The following POLR2F variants were observed in gnomAD, a reference collection of about 807,000 sequenced individuals.
POLR2F encodes RNA polymerase II, I and III subunit F.
POLR2F carries 12 observed loss-of-function variants against 22.7 expected under a neutral mutation model. The observed-to-expected ratio is 0.53, with a 90% CI of 0.34 to 0.86. POLR2F has a LOEUF of 0.86. POLR2F is among the 40% of genes least tolerant of loss of function. POLR2F has a pLI of 0.02. For synonymous variants in POLR2F, 57 were observed against 66.0 expected (o/e 0.86, Z 0.66); for missense variants, 126 against 171.5 (o/e 0.73, Z 1.48).
rs2084731517 is a variant in POLR2F at position 37,997,950 on chromosome 22, A to G, written c.120+11638A>G. ...TGGCGCGAGAGCCAGGGTTGCCCAG[A>G]TTGATGGAAGAGCAGGTGTTTGTGT... On this transcript the variant is annotated intron_variant, in intron 1 of 2. Transcript: ENST00000333418. This position sits in a 1 kb window ranked among gnomAD's most constrained non-coding sequence, Gnocchi z 4.4. 1.3e-5 allele frequency among the ~76,000 whole-genome samples: 2 copies of G among 152,174 alleles called. No individual in the cohort carries two copies. Among genetic ancestry groups the G allele is most frequent in the African/African-American group, 4.8e-5 (2 of 41,450 alleles).
chr22:37,986,065 C>T (rs1032439250), upstream of POLR2F: 3 of 1,346,084 alleles, frequency 2.2e-6, no homozygotes, highest in African/African-American at 3.0e-5. This position sits in a 1 kb window ranked among gnomAD's most constrained non-coding sequence, Gnocchi z 4.7. Context: ...TTGTTCGGGG[C>T]CTTGAAACAG....
intron 4 of POLR2F, among the ~76,000 whole-genome samples, chr22:37,977,665 C>T (rs1056141458): frequency 3.3e-5 from 5 of 152,086 alleles, no homozygotes; most frequent in Non-Finnish European, 7.4e-5. Context: ...TAGGATCAGC[C>T]CTGGCCAGAG....
intron 1 of POLR2F, among the ~76,000 whole-genome samples, chr22:37,995,428 A>C (rs549692563): frequency 2.5e-4 from 38 of 152,206 alleles, no homozygotes; most frequent in Non-Finnish European, 4.6e-4. Flanking sequence ...CTGGGGGATC[A>C]CCTAAAGCTC....
rs1931947796 is a variant in POLR2F, at chr22:37,968,543, A to G, written c.*828A>G. On this transcript the variant is annotated 3_prime_UTR_variant, in exon 5 of 5. Transcript: ENST00000442738. ...AGGTGTTACATTAAGTCAGAGCTGG[A>G]GTTCCCCCTTCCTCTGCCTGAGGTT... 14 of 985,594 alleles carry G rather than the reference A, an allele frequency of 1.4e-5. No individual in the cohort carries two copies. The highest frequency in any genetic ancestry group is 1.7e-5 in the Non-Finnish European group (14 of 830,128). 61.1% of individuals were successfully genotyped at this position (985,594 alleles called of 1,614,324 possible). A position where few individuals can be genotyped will look rare whatever the true frequency, so the allele number is the denominator to read the frequency against.
At chr22:38,027,204 A>G (rs181581428), downstream of POLR2F, among the ~76,000 whole-genome samples, 188 of 152,222 alleles carry the variant, frequency 1.2e-3, 3 homozygotes, top group African/African-American at 4.4e-3. Flanking sequence ...TCATTCATCA[A>G]CTAGTCTCTA....
chr22:38,021,519 C>T (rs1228898206), intron 1 of POLR2F, among the ~76,000 whole-genome samples: 2 of 152,168 alleles, frequency 1.3e-5, no homozygotes, highest in Non-Finnish European at 2.9e-5. Context: ...TACAGTGACG[C>T]GATCATGGCT....
Position 37,967,891 on chromosome 22 carries a change from C to A in POLR2F, c.*176C>A, listed in dbSNP as rs1601873756. On this transcript the variant is annotated 3_prime_UTR_variant, in exon 5 of 5. Coordinates refer to ENST00000442738, the MANE Select transcript of POLR2F (RefSeq NM_021974.5). ...GTGGAGCATGCACCTATTCCAGTGG[C>A]CCTGTGACTGTCAGCTCCTTAAGAA... The A allele has an allele frequency of 7.4e-7, 1 of 1,344,562 alleles. No individual in the cohort carries two copies. Among genetic ancestry groups the A allele is most frequent in the Non-Finnish European group, 9.5e-7 (1 of 1,050,658 alleles). The allele number at this position is 1,344,562 out of a possible 1,614,324, so 83.3% of individuals were successfully genotyped here. A position where few individuals can be genotyped will look rare whatever the true frequency, so the allele number is the denominator to read the frequency against.
chr22:38,025,679 G>T lies in POLR2F; in HGVS notation c.121-190G>T, dbSNP rs771494523. 4.5e-6 allele frequency: 7 copies of T among 1,547,472 alleles called. No homozygotes were observed. The African/African-American group carries it at 6.9e-5, about 15-fold the overall frequency. ...CTCCTCCCGCTGACTTCTCCCGACAGTCCTGCTGGGTGGATATCATCACCC... is the reference window on the plus strand; with the variant it reads ...CTCCTCCCGCTGACTTCTCCCGACATTCCTGCTGGGTGGATATCATCACCC... On this transcript the variant is annotated intron_variant, in intron 1 of 2. Coordinates refer to the POLR2F transcript ENST00000333418.
chr22:37,975,206 T>C (rs765679029), intron 4 of POLR2F, among the ~76,000 whole-genome samples: 4 of 152,198 alleles, frequency 2.6e-5, no homozygotes, highest in Admixed American at 2.0e-4. Flanking sequence ...GGGATACTAA[T>C]GTAAATAAAA....
At chr22:37,974,301 C>T (rs1349358760), downstream of POLR2F, 2 of 864,174 alleles carry the variant, frequency 2.3e-6, no homozygotes, top group African/African-American at 3.4e-5. The surrounding 1 kb of genome is among the most constrained non-coding windows in gnomAD (Gnocchi z 5.4). Flanking sequence ...CAGCGGGTGC[C>T]TCTGGGAAAA....
intron 3 of POLR2F, among the ~76,000 whole-genome samples, chr22:37,963,788 T>C (rs1172256055): frequency 1.3e-5 from 2 of 152,146 alleles, no homozygotes; most frequent in African/African-American, 4.8e-5. Flanking sequence ...TAGCACTTGA[T>C]AGGATGCTGA....
chr22:38,003,914 T>C (rs1266902173), intron 1 of POLR2F, among the ~76,000 whole-genome samples: 1 of 152,026 alleles, frequency 6.6e-6, no homozygotes. Flanking sequence ...TCTCAAAGCA[T>C]TGTGGCAGCT....
rs1171589783 is a variant in POLR2F at position 38,017,893 on chromosome 22, C to G, written c.121-7976C>G. Among the ~76,000 whole-genome samples the G allele has an allele frequency of 6.6e-6, 1 of 152,232 alleles. No homozygotes were observed. The highest frequency in any genetic ancestry group is 1.5e-5 in the Non-Finnish European group (1 of 68,044). ...ACCATATGGAACAAGTTAAGCCTCC[C>G]TGAGAATTGGTTTCCTCACTTGTAA... On this transcript the variant is annotated intron_variant, in intron 1 of 2. Coordinates refer to the POLR2F transcript ENST00000333418. The surrounding 1 kb of genome is among the most constrained non-coding windows in gnomAD (Gnocchi z 4.1).
chr22:37,957,087 T>TAA (rs2145730741), intron 2 of POLR2F, among the ~76,000 whole-genome samples: 1 of 152,352 alleles, frequency 6.6e-6, no homozygotes, highest in East Asian at 1.9e-4. Flanking sequence ...ACTGACAAGT[T>TAA]AAACGGTGCC....
At chr22:38,007,987 C>T (rs540263091) in intron 1 of POLR2F, among the ~76,000 whole-genome samples, 1 of 152,306 alleles carries the variant, frequency 6.6e-6, no homozygotes, top group East Asian at 1.9e-4. Flanking sequence ...CGCCTATAAT[C>T]CTAGCACTTT....
intron 3 of POLR2F, among the ~76,000 whole-genome samples, chr22:37,959,717 TAA>T (rs139867): frequency 1.6e-3 from 227 of 141,288 alleles, no homozygotes; most frequent in Admixed American, 7.4e-3. Flanking sequence ...AGAAAAACGA[TAA>T]AAAAAAAAAA....
At chr22:37,974,115 G>A (rs1307950608), downstream of POLR2F, 1 of 1,613,192 alleles carries the variant, frequency 6.2e-7, no homozygotes, top group Non-Finnish European at 8.5e-7. The surrounding 1 kb of genome is among the most constrained non-coding windows in gnomAD (Gnocchi z 5.4). Context: ...CCCATGGAGC[G>A]CCCGTCCCGC....
At chr22:38,039,049 G>A (rs1270698543) in intron 5 of POLR2F, among the ~76,000 whole-genome samples, 1 of 152,194 alleles carries the variant, frequency 6.6e-6, no homozygotes, top group East Asian at 1.9e-4. Context: ...GTCCCTGCAT[G>A]GGACAAGAGG....
In POLR2F at chr22:37,968,541, G is replaced by T. The variant is rs1338365675; in HGVS notation, c.*826G>T. On this transcript the variant is annotated 3_prime_UTR_variant, in exon 5 of 5. Transcript: ENST00000442738. Reference sequence around the variant, plus strand: ...CCAGGTGTTACATTAAGTCAGAGCTGGAGTTCCCCCTTCCTCTGCCTGAGG... The same window carrying T: ...CCAGGTGTTACATTAAGTCAGAGCTTGAGTTCCCCCTTCCTCTGCCTGAGG... The T allele has an allele frequency of 1.0e-6, 1 of 985,738 alleles. No homozygotes were observed. The highest frequency in any genetic ancestry group is 1.2e-6 in the Non-Finnish European group (1 of 830,160). The allele number at this position is 985,738 out of a possible 1,614,324, so 61.1% of individuals were successfully genotyped here. A position where few individuals can be genotyped will look rare whatever the true frequency, so the allele number is the denominator to read the frequency against.
Sources: allele counts gnomAD v4.1 joint callset (sites outside exome capture counted in the v4.1 genomes callset), GRCh38; gene constraint gnomAD v4.1.1; non-coding constraint Gnocchi (gnomAD v3.1); transcripts MANE v1.5; gene names NCBI Gene and HGNC (gene_info 2026-07-23, HGNC 2026-07-21).